The following DPY19L4 variants were observed in gnomAD, a reference collection of about 807,000 sequenced individuals.
DPY19L4 encodes the protein probable C-mannosyltransferase DPY19L4.
DPY19L4 carries 97 observed loss-of-function variants against 102.8 expected under a neutral mutation model. That is an observed-to-expected ratio of 0.94 (90% confidence interval 0.80 to 1.12). The LOEUF (loss-of-function observed/expected upper bound fraction) is 1.12, where lower values mean the gene tolerates loss of function less well. Ranked by LOEUF, DPY19L4 falls within the 50% of genes most tolerant of loss-of-function variation. DPY19L4 has a pLI of 0.00. For missense variants in DPY19L4, 815 were observed against 850.4 expected (o/e 0.96, Z 0.52); for synonymous variants, 252 against 283.1 (o/e 0.89, Z 1.10).
Position 94,741,544 on chromosome 8 carries a change from A to T in DPY19L4, c.611+1754A>T, listed in dbSNP as rs190019582. 5.1e-4 allele frequency among the ~76,000 whole-genome samples: 78 copies of T among 152,298 alleles called. 2 individuals carry two copies. Among genetic ancestry groups the T allele is most frequent in the Non-Finnish European group, 5.1e-4 (35 of 68,030 alleles). ...CAATTTACCAATTTCTAAATAAGAGATTAATTTAATAGCTTTCTCAGTGAC... is the reference window on the plus strand; with the variant it reads ...CAATTTACCAATTTCTAAATAAGAGTTTAATTTAATAGCTTTCTCAGTGAC... On this transcript the variant is annotated intron_variant, in intron 6 of 18. Transcript: ENST00000414645.
intron 1 of DPY19L4, among the ~76,000 whole-genome samples, chr8:94,725,858 C>T (rs766688068): frequency 4.6e-5 from 7 of 151,966 alleles, no homozygotes; most frequent in Non-Finnish European, 8.8e-5. Flanking sequence ...AGGATGGTCT[C>T]GATCTCCTGA....
At chr8:94,758,814 A>T (rs1391914006) in intron 7 of DPY19L4, among the ~76,000 whole-genome samples, 1 of 151,518 alleles carries the variant, frequency 6.6e-6, no homozygotes, top group South Asian at 2.1e-4. Flanking sequence ...AGCTCACTGC[A>T]ACCTCCGCCT....
At chr8:94,765,350 A>ATTT in intron 9 of DPY19L4, 36 bp downstream of exon 9, 2 of 1,222,478 alleles carry the variant, frequency 1.6e-6, no homozygotes, top group Non-Finnish European at 2.2e-6. Flanking sequence ...TCTTATTTTG[A>ATTT]TTTTTTTTTT....
chr8:94,771,592 G>C (rs574097648), intron 13 of DPY19L4, among the ~76,000 whole-genome samples: 101 of 152,320 alleles, frequency 6.6e-4, no homozygotes, highest in African/African-American at 2.4e-3. Context: ...GACTTAAAGA[G>C]ATCAGAAAAG....
chr8:94,759,165 G>A (rs1167442636), intron 7 of DPY19L4, among the ~76,000 whole-genome samples: 2 of 152,180 alleles, frequency 1.3e-5, no homozygotes, highest in African/African-American at 4.8e-5. Flanking sequence ...AGCTTCCACA[G>A]CATGGAAGGG....
rs1416593565 is a variant in DPY19L4 at position 94,790,952 on chromosome 8, AAC to A, written c.*1046_*1047del. ...AAATGACAACTATAATAAAATTTACAACACAGTTTCACAGTCTAAATGCTATG... is the reference window on the plus strand; with the variant it reads ...AAATGACAACTATAATAAAATTTACAACAGTTTCACAGTCTAAATGCTATG... On this transcript the variant is annotated 3_prime_UTR_variant, in exon 19 of 19. Transcript: ENST00000414645. The A allele has an allele frequency of 6.6e-6, 1 of 152,150 alleles. No individual in the cohort carries two copies. Among genetic ancestry groups the A allele is most frequent in the Non-Finnish European group, 1.5e-5 (1 of 67,964 alleles). The allele number at this position is 152,150 out of a possible 1,614,324, so 9.4% of individuals were successfully genotyped here.
chr8:94,739,790 G>A lies in DPY19L4; in HGVS notation c.611G>A (p.Arg204Lys). ...MLTVAWFVINRVDTTRIEYSI... is the reference protein window; with the variant it reads ...MLTVAWFVINKVDTTRIEYSI... ...ACTGTTGCGTGGTTCGTTATTAACA[G>A]GTAAGAAAGCTGTTTTAATTGATTT... is the stretch of plus-strand genomic sequence containing the variant. Residue 204 changes from arginine to lysine, a missense_variant and splice_region_variant, in exon 6 of 19, where the codon AGG (arginine) becomes AAG (lysine). Physicochemically the swap from Arg to Lys is conservative, Grantham distance 26. Transcript: ENST00000414645. The A allele has an allele frequency of 1.2e-6, 2 of 1,610,998 alleles. No homozygotes were observed. The highest frequency in any genetic ancestry group is 2.2e-5 in the South Asian group (2 of 90,630).
Position 94,773,492 on chromosome 8 carries a change from C to T in DPY19L4, c.1454+2921C>T, listed in dbSNP as rs529904532. 6.6e-5 allele frequency among the ~76,000 whole-genome samples: 10 copies of T among 150,868 alleles called. No homozygotes were observed. The East Asian group carries it at 1.8e-3, about 28-fold the overall frequency. ...TGTCGCCCAGGCTGGAGTGTAGTGG[C>T]GTGATCTTGGCTCACTGCAACCTCT... On this transcript the variant is annotated intron_variant, in intron 13 of 18. Coordinates refer to ENST00000414645, the MANE Select transcript of DPY19L4 (RefSeq NM_181787.3).
At chr8:94,725,667 G>A (rs900977830) in intron 1 of DPY19L4, among the ~76,000 whole-genome samples, 4 of 151,916 alleles carry the variant, frequency 2.6e-5, no homozygotes, top group Non-Finnish European at 5.9e-5. Context: ...ATAGAGTCTC[G>A]CTCTGTCGCC....
intron 9 of DPY19L4, 94 bp from the exon 10 acceptor site, chr8:94,765,617 T>G: frequency 3.0e-6 from 3 of 987,548 alleles, no homozygotes; most frequent in Non-Finnish European, 4.7e-6. Context: ...ATTACAGGCT[T>G]GAGCCACTGT....
At chr8:94,758,756 G>A (rs1013784216) in intron 7 of DPY19L4, among the ~76,000 whole-genome samples, 15 of 147,804 alleles carry the variant, frequency 1.0e-4, no homozygotes, top group Admixed American at 4.1e-4. Flanking sequence ...TTTTTGAGAC[G>A]GAGTCTCTTG....
Position 94,787,990 on chromosome 8 carries a change from A to G in DPY19L4, c.1945A>G (p.Asn649Asp), listed in dbSNP as rs1381853475. 6.6e-7 allele frequency: 1 copy of G among 1,522,752 alleles called. No individual in the cohort carries two copies. Among genetic ancestry groups the G allele is most frequent in the Middle Eastern group, 1.7e-4 (1 of 5,736 alleles). 94.3% of individuals were successfully genotyped at this position (1,522,752 alleles called of 1,614,324 possible). Residue 649 changes from asparagine to aspartate, a missense_variant, in exon 18 of 19, where the codon AAT (asparagine) becomes GAT (aspartate). Coordinates refer to ENST00000414645, the MANE Select transcript of DPY19L4 (RefSeq NM_181787.3). ...CCTAATTGTAGAGGATGCTATCTGC[A>G]ATGAGGTGGGACCCATGAGAGGCTG... ...NYLIVEDAIC[N>D]EVGPMRGCRV...
intron 1 of DPY19L4, among the ~76,000 whole-genome samples, chr8:94,722,728 A>G (rs897190461): frequency 6.6e-6 from 1 of 152,104 alleles, no homozygotes; most frequent in African/African-American, 2.4e-5. Context: ...TTTTTCCCCC[A>G]GAATCCGTAT....
chr8:94,773,883 A>C (rs1334740212), intron 13 of DPY19L4, among the ~76,000 whole-genome samples: 7 of 150,674 alleles, frequency 4.6e-5, no homozygotes, highest in Non-Finnish European at 1.0e-4. Flanking sequence ...AAAAAAAAAA[A>C]AAAAAGCCAG....
At chr8:94,731,887 C>T (rs1810973290) in intron 2 of DPY19L4, among the ~76,000 whole-genome samples, 1 of 152,172 alleles carries the variant, frequency 6.6e-6, no homozygotes, top group East Asian at 1.9e-4. Flanking sequence ...CCCGCCTCAG[C>T]CTCCCGAGTA....
At chr8:94,776,202 T>G (rs537007764) in intron 13 of DPY19L4, among the ~76,000 whole-genome samples, 3 of 151,922 alleles carry the variant, frequency 2.0e-5, no homozygotes, top group Admixed American at 2.0e-4. Flanking sequence ...CCAGCTAATT[T>G]TTTGCATTTT....
Position 94,777,778 on chromosome 8 carries a change from A to T in DPY19L4, c.1567A>T (p.Ile523Leu), listed in dbSNP as rs760558847. The T allele has an allele frequency of 6.2e-7, 1 of 1,609,558 alleles. No homozygotes were observed. The highest frequency in any genetic ancestry group is 1.1e-5 in the South Asian group (1 of 89,834). ...KWLRLRTVHP[I>L]LLALILSMAV... is the part of the protein sequence containing the mutation. The stretch of plus-strand genomic sequence containing the variant: ...GCTTCGATTAAGAACTGTACACCCA[A>T]TATTGTTGGTGAGTCATTATTTTGC... Residue 523 changes from isoleucine (I) to leucine (L), a missense_variant, in exon 14 of 19, where the codon ATA becomes TTA. Ile to Leu is a conservative substitution (Grantham distance 5). Coordinates refer to ENST00000414645, the MANE Select transcript of DPY19L4 (RefSeq NM_181787.3).
chr8:94,727,603 A>C (rs1371021797), intron 2 of DPY19L4, among the ~76,000 whole-genome samples: 1 of 152,230 alleles, frequency 6.6e-6, no homozygotes, highest in South Asian at 2.1e-4. Flanking sequence ...TATTTTGGTG[A>C]AATCTGCAAG....
intron 8 of DPY19L4, 61 bp from the exon 9 acceptor site, chr8:94,765,120 CAA>C (rs1812611188): frequency 8.4e-7 from 1 of 1,186,194 alleles, no homozygotes; most frequent in African/African-American, 1.6e-5. Context: ...CTATATAAAA[CAA>C]ATGAAAATAT....
Sources: allele counts gnomAD v4.1 joint callset (sites outside exome capture counted in the v4.1 genomes callset), GRCh38; gene constraint gnomAD v4.1.1; transcripts MANE v1.5; gene names NCBI Gene and HGNC (gene_info 2026-07-23, HGNC 2026-07-21).